The following ABTB2 variants were observed in gnomAD, a reference collection of about 807,000 sequenced individuals.
ABTB2 encodes the protein ankyrin repeat and BTB/POZ domain-containing protein 2.
In ABTB2, 56 loss-of-function variants were observed where a neutral mutation model predicts 104.1. The ratio of observed to expected loss-of-function variants is 0.54; its 90% CI spans 0.43 to 0.67. The LOEUF is 0.67. ABTB2 is among the 30% of genes least tolerant of loss of function. The pLI is 0.00. For missense variants in ABTB2, 1,279 were observed against 1,407.7 expected, an observed-to-expected ratio of 0.91 and a Z score of 1.46; for synonymous variants, 606 against 608.2, an observed-to-expected ratio of 1.00 and a Z score of 0.05.
chr11:34,192,156 G>C (rs1319285861), intron 3 of ABTB2, among the ~76,000 whole-genome samples: 2 of 152,066 alleles, frequency 1.3e-5, no homozygotes, highest in Non-Finnish European at 2.9e-5. Flanking sequence ...AGCCAGGTGT[G>C]GTGGGGCACA....
chr11:34,311,325 G>C (rs539325430), intron 1 of ABTB2, among the ~76,000 whole-genome samples: 13 of 152,188 alleles, frequency 8.5e-5, no homozygotes, highest in African/African-American at 3.1e-4. Flanking sequence ...TTATCTGCTG[G>C]CAAGAAATCT....
At chr11:34,261,136 C>G (rs184505905) in intron 1 of ABTB2, among the ~76,000 whole-genome samples, 16 of 152,100 alleles carry the variant, frequency 1.1e-4, no homozygotes, top group East Asian at 1.9e-4. Context: ...GCCTGCCCCC[C>G]CCAAAAAAAG....
chr11:34,273,085 CTTTTTTTAAATTAAAAAAA>C (rs971566650), intron 1 of ABTB2, among the ~76,000 whole-genome samples: 9 of 151,952 alleles, frequency 5.9e-5, no homozygotes, highest in South Asian at 2.1e-4. Context: ...TGATTTTTAG[CTTTTTTTAAATTAAAAAAA>C]TTTTTTTAAA....
intron 1 of ABTB2, among the ~76,000 whole-genome samples, chr11:34,262,310 C>T (rs796529303): frequency 1.3e-5 from 2 of 152,142 alleles, no homozygotes; most frequent in Admixed American, 6.6e-5. Flanking sequence ...GGGGCTTGGA[C>T]TCTCATGATT....
chr11:34,272,706 C>CAAAAAA lies in ABTB2; in HGVS notation c.884-68022_884-68017dup, dbSNP rs35638814. 2.3e-3 allele frequency among the ~76,000 whole-genome samples: 94 copies of CAAAAAA among 40,996 alleles called. 7 individuals are homozygous for CAAAAAA. Among genetic ancestry groups the CAAAAAA allele is most frequent in the African/African-American group, 8.1e-3 (81 of 10,062 alleles). 26.9% of individuals were successfully genotyped at this position (40,996 alleles called of 152,430 possible). ...TGGGCGACAGAGTAAGACTCCGTCT[C>CAAAAAA]AAAAAAAAAAAAAAAAAAAAAAAAA... is the stretch of plus-strand genomic sequence containing the variant. On this transcript the variant is annotated intron_variant, in intron 1 of 16. Coordinates refer to ENST00000435224, the MANE Select transcript of ABTB2 (RefSeq NM_145804.3).
At chr11:34,211,970 G>C (rs944757252) in intron 1 of ABTB2, among the ~76,000 whole-genome samples, 1 of 149,708 alleles carries the variant, frequency 6.7e-6, no homozygotes, top group Non-Finnish European at 1.5e-5. Context: ...CCCATCTCAA[G>C]ACGTGACCAT....
intron 5 of ABTB2, among the ~76,000 whole-genome samples, chr11:34,168,353 C>T (rs1363235768): frequency 6.6e-6 from 1 of 152,218 alleles, no homozygotes; most frequent in East Asian, 1.9e-4. Flanking sequence ...ATCTTATCTC[C>T]CTCAAAGGGT....
intron 1 of ABTB2, among the ~76,000 whole-genome samples, chr11:34,265,662 A>G (rs1445316891): frequency 2.1e-4 from 23 of 107,716 alleles, no homozygotes; most frequent in Admixed American, 6.2e-4. Flanking sequence ...CTGTCTCAAG[A>G]AAAAAAAAAA....
At chr11:34,229,290 G>A (rs1280338808) in intron 1 of ABTB2, among the ~76,000 whole-genome samples, 1 of 151,664 alleles carries the variant, frequency 6.6e-6, no homozygotes, top group Non-Finnish European at 1.5e-5. Context: ...AGACCATCCT[G>A]GCTAACACGA....
intron 1 of ABTB2, among the ~76,000 whole-genome samples, chr11:34,308,221 G>A (rs142082387): frequency 5.0e-4 from 76 of 152,316 alleles, no homozygotes; most frequent in African/African-American, 1.8e-3. Flanking sequence ...ATGGATGTTT[G>A]TGATTATTAG....
At chr11:34,349,726 G>A (rs984977593) in intron 1 of ABTB2, among the ~76,000 whole-genome samples, 3 of 152,166 alleles carry the variant, frequency 2.0e-5, no homozygotes, top group African/African-American at 7.2e-5. Context: ...GGAACATCTG[G>A]AAAAGTCTGG....
intron 4 of ABTB2, among the ~76,000 whole-genome samples, chr11:34,172,387 A>G (rs1199718974): frequency 1.2e-5 from 1 of 82,406 alleles, no homozygotes; most frequent in East Asian, 2.6e-4. Flanking sequence ...AAAAAAAAAA[A>G]AAAAAAAAAT....
intron 3 of ABTB2, among the ~76,000 whole-genome samples, chr11:34,192,768 T>C (rs1353446174): frequency 6.6e-6 from 1 of 152,184 alleles, no homozygotes; most frequent in East Asian, 1.9e-4. Context: ...GTAGATGCAG[T>C]CTGGAAGGGT....
At chr11:34,190,356 T>C (rs866199806) in intron 3 of ABTB2, among the ~76,000 whole-genome samples, 16 of 151,702 alleles carry the variant, frequency 1.1e-4, no homozygotes, top group African/African-American at 3.6e-4. Flanking sequence ...GGGCTGGGAT[T>C]GGAATCCAGG....
chr11:34,182,499 G>C (rs1032136212), intron 3 of ABTB2, among the ~76,000 whole-genome samples: 1 of 135,790 alleles, frequency 7.4e-6, no homozygotes, highest in Non-Finnish European at 1.6e-5. Flanking sequence ...GGGTTCTCTG[G>C]GGGGGGGGGG....
intron 1 of ABTB2, among the ~76,000 whole-genome samples, chr11:34,336,931 G>A (rs1255379014): frequency 6.6e-6 from 1 of 152,084 alleles, no homozygotes; most frequent in Non-Finnish European, 1.5e-5. Context: ...TATCATATGA[G>A]GGAAACAGGA....
intron 1 of ABTB2, among the ~76,000 whole-genome samples, chr11:34,339,958 G>C (rs1323518148): frequency 6.6e-6 from 1 of 152,068 alleles, no homozygotes; most frequent in Non-Finnish European, 1.5e-5. Context: ...GAGGCAGGCT[G>C]GTCACCATGT....
chr11:34,153,525 C>G (rs1398039723), intron 16 of ABTB2, among the ~76,000 whole-genome samples: 3 of 152,166 alleles, frequency 2.0e-5, no homozygotes, highest in African/African-American at 7.2e-5. Context: ...CACGCCACCA[C>G]ACTCAGCTAG....
At chr11:34,225,946 G>A (rs1264333407) in intron 1 of ABTB2, among the ~76,000 whole-genome samples, 1 of 152,006 alleles carries the variant, frequency 6.6e-6, no homozygotes, top group Non-Finnish European at 1.5e-5. Flanking sequence ...GCTCACGCCT[G>A]TAATCCCAGC....
Sources: gnomAD v4.1 joint callset for allele counts (sites outside exome capture counted in the v4.1 genomes callset) on GRCh38, gnomAD v4.1.1 for gene constraint, MANE v1.5 for transcripts, NCBI Gene and HGNC (gene_info 2026-07-23, HGNC 2026-07-21) for gene names.